DENND6A: variants seen among roughly 807,000 people sequenced by gnomAD.
The protein encoded by DENND6A is protein DENND6A.
A neutral mutation model predicts 95.5 loss-of-function variants in DENND6A; 43 were observed. That is an observed-to-expected ratio of 0.45 (90% CI 0.35 to 0.58). The LOEUF (loss-of-function observed/expected upper bound fraction) is 0.58, where lower values mean the gene tolerates loss of function less well. Ranked by LOEUF, DENND6A falls within the 20% of genes least tolerant of loss-of-function variation. DENND6A has a pLI of 0.00. For synonymous variants in DENND6A, 257 were observed against 260.4 expected, an observed-to-expected ratio of 0.99 and a Z score of 0.13; for missense variants, 574 against 736.0, an observed-to-expected ratio of 0.78 and a Z score of 2.55.
At chr3:57,667,991 A>G (rs1169212347) in intron 3 of DENND6A, among the ~76,000 whole-genome samples, 1 of 150,172 alleles carries the variant, frequency 6.7e-6, no homozygotes, top group African/African-American at 2.5e-5. Flanking sequence ...TCTTGAACAC[A>G]GTAGGCAGAG....
At position 57,640,156 on chromosome 3, in the gene DENND6A, C is replaced by T. The variant is rs946250069; in HGVS notation, c.1132+1497G>A. On this transcript the variant is annotated intron_variant, in intron 12 of 19. Transcript: ENST00000311128. The stretch of plus-strand genomic sequence containing the variant: ...TGGTGGTGGGCGCCTGTAATCCCAG[C>T]TCCTTGGGAGGCTGAGGCAGGAGAA... Among the ~76,000 whole-genome samples the T allele has an allele frequency of 2.6e-5, 4 of 151,710 alleles. No homozygotes were observed. The East Asian group carries it at 7.8e-4, about 29-fold the overall frequency.
Position 57,657,527 on chromosome 3 carries a change from A to G in DENND6A, c.818+153T>C, listed in dbSNP as rs923042036. On this transcript the variant is annotated intron_variant, in intron 9 of 19. Transcript: ENST00000311128. ...CTAATTGTCAAAGCTTATAACATGT[A>G]CCCAGGGATGAACCATTGATTTATA... is the stretch of plus-strand genomic sequence containing the variant. 26 of 515,768 alleles carry G rather than the reference A, an allele frequency of 5.0e-5. No homozygotes were observed. The East Asian group carries it at 8.8e-4, about 18-fold the overall frequency. 31.9% of individuals were successfully genotyped at this position (515,768 alleles called of 1,614,324 possible).
At chr3:57,688,030 C>G (rs2077227213) in intron 1 of DENND6A, among the ~76,000 whole-genome samples, 1 of 150,526 alleles carries the variant, frequency 6.6e-6, no homozygotes, top group Non-Finnish European at 1.5e-5. Context: ...AAGTCTTACT[C>G]TGTTGCCCAG....
chr3:57,672,333 C>A (rs1339635280), intron 2 of DENND6A, 35 bp from the exon 3 acceptor site: 6 of 1,609,518 alleles, frequency 3.7e-6, no homozygotes, highest in African/African-American at 1.3e-5. Context: ...TATGCTGACA[C>A]ATACATAATC....
At chr3:57,632,378 C>T (rs1229929964) in intron 15 of DENND6A, among the ~76,000 whole-genome samples, 1 of 151,558 alleles carries the variant, frequency 6.6e-6, no homozygotes, top group Admixed American at 6.6e-5. Flanking sequence ...GGAGTGCAGT[C>T]GTGCAATCAC....
chr3:57,651,664 A>G lies in DENND6A; in HGVS notation c.819-5226T>C, dbSNP rs570238824. On this transcript the variant is annotated intron_variant, in intron 9 of 19. Coordinates refer to ENST00000311128, the MANE Select transcript of DENND6A (RefSeq NM_152678.3). ...AGGTTGAATATTGTATGATATGATA[A>G]TTACAAACCAGTTTATTTAATTACC... Among the ~76,000 whole-genome samples, 70 of 152,144 alleles carry G rather than the reference A, an allele frequency of 4.6e-4. 1 individual carries two copies. The South Asian group carries it at 0.01, about 22-fold the overall frequency.
At chr3:57,679,094 AC>A (rs1173380599) in intron 1 of DENND6A, among the ~76,000 whole-genome samples, 1 of 152,226 alleles carries the variant, frequency 6.6e-6, no homozygotes, top group African/African-American at 2.4e-5. Context: ...ACAGAGTGAG[AC>A]CCTGTCTCAA....
At position 57,641,545 on chromosome 3, in the gene DENND6A, G is replaced by C; in HGVS notation, c.1132+108C>G. On this transcript the variant is annotated intron_variant, in intron 12 of 19. Transcript: ENST00000311128. ...CAGGAAATTATACCCTTCTCCAAAG[G>C]CCTTGAAGAAAGCTGCCATCAACAT... is the stretch of plus-strand genomic sequence containing the variant. 5 of 839,962 alleles carry C rather than the reference G, an allele frequency of 6.0e-6. No homozygotes were observed. The South Asian group carries it at 1.2e-4, about 20-fold the overall frequency. 52.0% of individuals were successfully genotyped at this position (839,962 alleles called of 1,614,324 possible). A position where few individuals can be genotyped will look rare whatever the true frequency, so the allele number is the denominator to read the frequency against.
chr3:57,672,199 T>C, intron 3 of DENND6A, 57 bp downstream of exon 3: 1 of 1,461,856 alleles, frequency 6.8e-7, no homozygotes, highest in Non-Finnish European at 9.4e-7. Context: ...ACATTAACAG[T>C]ATAACCAGTA....
intron 1 of DENND6A, among the ~76,000 whole-genome samples, chr3:57,675,725 T>A (rs903552276): frequency 6.6e-6 from 1 of 152,196 alleles, no homozygotes; most frequent in Non-Finnish European, 1.5e-5. Context: ...GCACACACTC[T>A]ACAAGCCAAC....
intron 5 of DENND6A, among the ~76,000 whole-genome samples, chr3:57,662,185 C>CTTTTTTTTTTTTTTTTTTT (rs60063768): frequency 2.7e-4 from 21 of 79,146 alleles, no homozygotes; most frequent in South Asian, 1.1e-3. Flanking sequence ...TTTCTTTTTT[C>CTTTTTTTTTTTTTTTTTTT]TTTTTTTTTT....
At chr3:57,640,824 G>A (rs1368944874) in intron 12 of DENND6A, among the ~76,000 whole-genome samples, 1 of 151,924 alleles carries the variant, frequency 6.6e-6, no homozygotes, top group Non-Finnish European at 1.5e-5. Flanking sequence ...CTTCTCATAC[G>A]CAAGACTCAT....
At chr3:57,644,941 T>G (rs763066383) in intron 11 of DENND6A, among the ~76,000 whole-genome samples, 9 of 151,892 alleles carry the variant, frequency 5.9e-5, no homozygotes, top group Non-Finnish European at 7.4e-5. Flanking sequence ...CAATCCGCAG[T>G]TGACTAGAAG....
chr3:57,631,973 C>A (rs529545985), intron 15 of DENND6A, among the ~76,000 whole-genome samples: 1 of 146,192 alleles, frequency 6.8e-6, no homozygotes, highest in East Asian at 2.1e-4. Context: ...CCGCCCGCCT[C>A]GGCCTCCCAA....
chr3:57,642,095 A>G (rs1210315819), intron 11 of DENND6A, among the ~76,000 whole-genome samples: 1 of 152,050 alleles, frequency 6.6e-6, no homozygotes, highest in African/African-American at 2.4e-5. Context: ...CGGGCAGATC[A>G]CGAGGTTAGG....
chr3:57,633,636 C>G (rs2070732417), intron 14 of DENND6A, among the ~76,000 whole-genome samples: 2 of 152,188 alleles, frequency 1.3e-5, no homozygotes, highest in Admixed American at 6.5e-5. Flanking sequence ...CGTCTGTAAT[C>G]CCAACACTTT....
chr3:57,652,028 T>C (rs1238563275), intron 9 of DENND6A, among the ~76,000 whole-genome samples: 1 of 152,002 alleles, frequency 6.6e-6, no homozygotes, highest in Non-Finnish European at 1.5e-5. Flanking sequence ...CAAGACACCC[T>C]CTCTACAAAA....
intron 12 of DENND6A, among the ~76,000 whole-genome samples, chr3:57,638,464 C>T (rs1288590935): frequency 6.6e-6 from 1 of 151,594 alleles, no homozygotes; most frequent in Non-Finnish European, 1.5e-5. Context: ...TCGAGACCAG[C>T]CTGGCCAACA....
At chr3:57,638,080 G>C (rs1022677485) in intron 12 of DENND6A, among the ~76,000 whole-genome samples, 4 of 152,038 alleles carry the variant, frequency 2.6e-5, no homozygotes, top group Admixed American at 1.3e-4. Context: ...GTTGCAGTGA[G>C]CCAAGATCAT....
Sources: allele counts gnomAD v4.1 joint callset (sites outside exome capture counted in the v4.1 genomes callset), GRCh38; gene constraint gnomAD v4.1.1; transcripts MANE v1.5; gene names NCBI Gene and HGNC (gene_info 2026-07-23, HGNC 2026-07-21).